DIP2C: variants seen among roughly 807,000 people sequenced by gnomAD.
The protein encoded by DIP2C is disco-interacting protein 2 homolog C.
A neutral mutation model predicts 192.4 loss-of-function variants in DIP2C; 33 were observed. The observed-to-expected ratio is 0.17, with a 90% CI of 0.13 to 0.23. The LOEUF (loss-of-function observed/expected upper bound fraction) is 0.23. Among genes scored for constraint, DIP2C ranks in the 10% least tolerant of loss-of-function variants. DIP2C has a pLI of 1.00. For missense variants in DIP2C, 1,537 were observed against 2,110.1 expected (o/e 0.73, Z 5.32); for synonymous variants, 979 against 864.1 (o/e 1.13, Z -2.33).
At chr10:635,876 A>AT (rs1300112986) in intron 1 of DIP2C, among the ~76,000 whole-genome samples, 1 of 152,172 alleles carries the variant, frequency 6.6e-6, no homozygotes, top group Non-Finnish European at 1.5e-5. Flanking sequence ...CTTCCAGCCC[A>AT]GAGGCTCAAC....
At chr10:638,620 G>A (rs1207428968) in intron 1 of DIP2C, among the ~76,000 whole-genome samples, 1 of 152,186 alleles carries the variant, frequency 6.6e-6, no homozygotes, top group African/African-American at 2.4e-5. Flanking sequence ...AAGTTTGACT[G>A]TGAGTTTCAA....
At position 422,964 on chromosome 10, in the gene DIP2C, T is replaced by C; in HGVS notation, c.464A>G (p.Gln155Arg). The change falls in exon 5 of 37, where the codon CAG becomes CGG. Residue 155 changes from glutamine (Q) to arginine (R), a missense_variant. Gln to Arg is a conservative substitution (Grantham distance 43). Around this residue, in one of 4 missense-constraint regions of DIP2C, gnomAD observed 473 missense variants for 539.6 expected, o/e 0.88. Transcript: ENST00000280886. ...CCAGTGCTCCATATTGATGCTGCCCTGGCTGGAGGTGGGGGTGCCCTGGGA... is the reference window on the plus strand; with the variant it reads ...CCAGTGCTCCATATTGATGCTGCCCCGGCTGGAGGTGGGGGTGCCCTGGGA... Reference protein sequence around the residue: ...GDSQGTPTSSQGSINMEHWIS... With the variant: ...GDSQGTPTSSRGSINMEHWIS... The C allele has an allele frequency of 1.2e-6, 2 of 1,614,180 alleles. No individual in the cohort carries two copies. The highest frequency in any genetic ancestry group is 2.2e-5 in the East Asian group (1 of 44,878).
intron 5 of DIP2C, among the ~76,000 whole-genome samples, chr10:421,909 GCTGAGACCCAAGTCAATCCAA>G (rs1966211800): frequency 6.6e-6 from 1 of 152,186 alleles, no homozygotes; most frequent in Non-Finnish European, 1.5e-5. Flanking sequence ...CGACCAAGGG[GCTGAGACCCAAGTCAATCCAA>G]AACGCCTCTG....
intron 31 of DIP2C, among the ~76,000 whole-genome samples, chr10:323,950 C>T (rs996318647): frequency 6.6e-6 from 1 of 152,046 alleles, no homozygotes; most frequent in Non-Finnish European, 1.5e-5. Flanking sequence ...TTTAATTTTG[C>T]AGATTCTAGA....
At chr10:450,995 C>T (rs369325327) in intron 3 of DIP2C, among the ~76,000 whole-genome samples, 2 of 152,156 alleles carry the variant, frequency 1.3e-5, no homozygotes, top group Non-Finnish European at 2.9e-5. Context: ...GCCTCAATAA[C>T]GGCATCGTCT....
intron 18 of DIP2C, among the ~76,000 whole-genome samples, chr10:366,923 T>C (rs781371959): frequency 3.3e-5 from 5 of 152,198 alleles, no homozygotes; most frequent in South Asian, 4.1e-4. Flanking sequence ...ACCAACACTT[T>C]CATGCTTTGC....
At chr10:537,421 C>T (rs962355358) in intron 1 of DIP2C, among the ~76,000 whole-genome samples, 1 of 152,198 alleles carries the variant, frequency 6.6e-6, no homozygotes, top group Non-Finnish European at 1.5e-5. Context: ...GCGCAGACTC[C>T]GGTTCCTTTC....
chr10:567,212 A>G (rs1849513042), intron 1 of DIP2C, among the ~76,000 whole-genome samples: 1 of 152,078 alleles, frequency 6.6e-6, no homozygotes, highest in Non-Finnish European at 1.5e-5. Context: ...TTTTTAAGAC[A>G]CAATATCACT....
At chr10:541,604 A>C (rs916062721) in intron 1 of DIP2C, among the ~76,000 whole-genome samples, 1 of 139,120 alleles carries the variant, frequency 7.2e-6, no homozygotes, top group Non-Finnish European at 1.5e-5. Flanking sequence ...GTGACCCTCC[A>C]CATGACCACA....
At chr10:414,740 T>TGTGTGTGTGTGTGTGTGTGTGTG (rs1564679970) in intron 7 of DIP2C, among the ~76,000 whole-genome samples, 1 of 44,618 alleles carries the variant, frequency 2.2e-5, no homozygotes, top group Non-Finnish European at 5.1e-5. Flanking sequence ...TGTGTGTGTG[T>TGTGTGTGTGTGTGTGTGTGTGTG]ACATATATAT....
intron 1 of DIP2C, among the ~76,000 whole-genome samples, chr10:619,477 A>G (rs1853698035): frequency 6.9e-6 from 1 of 145,016 alleles, no homozygotes; most frequent in Non-Finnish European, 1.5e-5. Flanking sequence ...GCTCCTCAAC[A>G]GGAAGACGCA....
In DIP2C at chr10:440,908, C is replaced by A; in HGVS notation, c.357G>T (p.Leu119=). The A allele has an allele frequency of 1.2e-6, 2 of 1,613,776 alleles. No individual in the cohort carries two copies. The highest frequency in any genetic ancestry group is 8.5e-7 in the Non-Finnish European group (1 of 1,180,030). Residue 119 remains leucine (L), a synonymous_variant, in exon 4 of 37, where the codon CTG becomes CTT. Transcript: ENST00000280886. ...AVPMPSKRRS[L]VVQTSMDAYT... ...AGGCGTCCATCGAGGTCTGCACGACCAGGGACCTGCGTTTGGAAGGCATAG... is the reference window on the plus strand; with the variant it reads ...AGGCGTCCATCGAGGTCTGCACGACAAGGGACCTGCGTTTGGAAGGCATAG...
chr10:623,028 C>T (rs1198657168), intron 1 of DIP2C, among the ~76,000 whole-genome samples: 1 of 152,218 alleles, frequency 6.6e-6, no homozygotes, highest in Non-Finnish European at 1.5e-5. Context: ...TAAATCATCA[C>T]AGAGGAATGA....
chr10:439,630 A>C (rs2133262084), intron 4 of DIP2C, among the ~76,000 whole-genome samples: 1 of 152,240 alleles, frequency 6.6e-6, no homozygotes, highest in East Asian at 1.9e-4. Context: ...TCTCAAAACA[A>C]ACAAAAAACA....
chr10:280,905 T>A (rs539972691), intron 36 of DIP2C, among the ~76,000 whole-genome samples: 45 of 152,242 alleles, frequency 3.0e-4, no homozygotes, highest in Admixed American at 1.9e-3. Flanking sequence ...TCTTCCTATA[T>A]CATGATTTTG....
intron 3 of DIP2C, among the ~76,000 whole-genome samples, chr10:455,365 TCCCTGCCTG>T (rs1969211363): frequency 9.5e-6 from 1 of 104,866 alleles, no homozygotes; most frequent in Non-Finnish European, 2.0e-5. Flanking sequence ...CTGCAGTGAG[TCCCTGCCTG>T]AGGGGAGACC....
At chr10:607,508 C>T (rs1588583563) in intron 1 of DIP2C, among the ~76,000 whole-genome samples, 2 of 152,310 alleles carry the variant, frequency 1.3e-5, no homozygotes. Context: ...TCGTCTCTAC[C>T]TTTATGAGCA....
At chr10:663,074 G>A (rs1856862271) in intron 1 of DIP2C, 8 of 611,978 alleles carry the variant, frequency 1.3e-5, no homozygotes, top group Non-Finnish European at 2.4e-5. Flanking sequence ...GTGACCCAGT[G>A]ATACCACTCT....
At chr10:654,469 G>C (rs888872263) in intron 1 of DIP2C, among the ~76,000 whole-genome samples, 1 of 152,168 alleles carries the variant, frequency 6.6e-6, no homozygotes, top group Non-Finnish European at 1.5e-5. Flanking sequence ...ATAGCGTGGA[G>C]GGCACTGTAG....
Sources: gnomAD v4.1 joint callset for allele counts (sites outside exome capture counted in the v4.1 genomes callset) on GRCh38, gnomAD v4.1.1 for gene constraint, gnomAD v4.1.1 regional missense constraint, MANE v1.5 for transcripts, NCBI Gene and HGNC (gene_info 2026-07-23, HGNC 2026-07-21) for gene names.